Variants in ITGBL1 observed in about 807,000 individuals in gnomAD.
ITGBL1 encodes integrin beta-like protein 1.
Under a neutral mutation model 68.5 loss-of-function variants are expected in ITGBL1, and 51 were observed. The observed-to-expected ratio is 0.74, with a 90% confidence interval of 0.59 to 0.94. The LOEUF (loss-of-function observed/expected upper bound fraction) is 0.94, where lower values mean the gene tolerates loss of function less well. Among genes scored for constraint, ITGBL1 ranks in the 40% least tolerant of loss-of-function variants. ITGBL1 has a pLI of 0.00. For synonymous variants in ITGBL1, 209 were observed against 227.3 expected, an observed-to-expected ratio of 0.92 and a Z score of 0.72; for missense variants, 649 against 647.4, an observed-to-expected ratio of 1.00 and a Z score of -0.03.
chr13:101,629,243 T>C (rs931419470), intron 7 of ITGBL1, among the ~76,000 whole-genome samples: 3 of 152,146 alleles, frequency 2.0e-5, no homozygotes, highest in African/African-American at 4.8e-5. Flanking sequence ...TTTTGTTAAT[T>C]TTTTACCTAA....
At chr13:101,497,318 C>G (rs1188268789) in intron 2 of ITGBL1, among the ~76,000 whole-genome samples, 2 of 152,140 alleles carry the variant, frequency 1.3e-5, no homozygotes, top group African/African-American at 2.4e-5. Flanking sequence ...TTGAATCCCT[C>G]AATTGTAGGT....
chr13:101,551,375 C>T (rs1290859275), intron 2 of ITGBL1, among the ~76,000 whole-genome samples: 2 of 151,964 alleles, frequency 1.3e-5, no homozygotes, highest in Admixed American at 6.6e-5. Context: ...GGGGAGGTAT[C>T]GAAAATGAAG....
At chr13:101,518,339 T>C (rs2049228518) in intron 2 of ITGBL1, among the ~76,000 whole-genome samples, 1 of 152,202 alleles carries the variant, frequency 6.6e-6, no homozygotes, top group Non-Finnish European at 1.5e-5. Context: ...AGATACATAA[T>C]ACATGAAGTG....
chr13:101,625,046 A>C (rs2031723174), intron 7 of ITGBL1, among the ~76,000 whole-genome samples: 1 of 152,232 alleles, frequency 6.6e-6, no homozygotes, highest in African/African-American at 2.4e-5. Context: ...AGATAAATGC[A>C]GAGGCAAAGA....
intron 2 of ITGBL1, among the ~76,000 whole-genome samples, chr13:101,534,080 G>A (rs1285880007): frequency 6.6e-6 from 1 of 152,110 alleles, no homozygotes; most frequent in Non-Finnish European, 1.5e-5. Context: ...CTGGCCAACA[G>A]CATCATAATC....
chr13:101,510,464 T>C (rs561562783), intron 2 of ITGBL1, among the ~76,000 whole-genome samples: 1 of 152,272 alleles, frequency 6.6e-6, no homozygotes, highest in African/African-American at 2.4e-5. Flanking sequence ...AGAACAGCAG[T>C]GAACATCTGA....
chr13:101,642,398 G>T lies in ITGBL1; in HGVS notation c.1015+44099G>T, dbSNP rs1051495986. On this transcript the variant is annotated intron_variant, in intron 7 of 10. Coordinates refer to ENST00000376180, the MANE Select transcript of ITGBL1 (RefSeq NM_004791.3). Reference sequence around the variant, plus strand: ...GTCTGCTCATGTCCTTCGCCCACTTGTTGATGGGGTTGTTTGTTTTTTTCT... The same window carrying T: ...GTCTGCTCATGTCCTTCGCCCACTTTTTGATGGGGTTGTTTGTTTTTTTCT... Among the ~76,000 whole-genome samples, 1,260 of 152,182 alleles carry T rather than the reference G, an allele frequency of 8.3e-3. 7 individuals are homozygous for T. The highest frequency in any genetic ancestry group is 0.014 in the Non-Finnish European group (976 of 67,968).
chr13:101,515,328 C>T (rs1427926204), intron 2 of ITGBL1, among the ~76,000 whole-genome samples: 1 of 151,740 alleles, frequency 6.6e-6, no homozygotes. Context: ...ATTAAAACCC[C>T]GGGTATTTTT....
chr13:101,596,403 G>A (rs757443501), intron 6 of ITGBL1, among the ~76,000 whole-genome samples: 1 of 152,172 alleles, frequency 6.6e-6, no homozygotes, highest in Non-Finnish European at 1.5e-5. Flanking sequence ...TGCATTGTAT[G>A]AGGAGAGTAC....
At chr13:101,608,904 A>G (rs1328264845) in intron 7 of ITGBL1, among the ~76,000 whole-genome samples, 1 of 152,046 alleles carries the variant, frequency 6.6e-6, no homozygotes, top group Non-Finnish European at 1.5e-5. Context: ...GTGTGCATCA[A>G]ATAGGGAGAA....
intron 2 of ITGBL1, among the ~76,000 whole-genome samples, chr13:101,496,698 G>C (rs1312405722): frequency 6.6e-6 from 1 of 152,018 alleles, no homozygotes; most frequent in Non-Finnish European, 1.5e-5. Context: ...CATTATAGCG[G>C]TAATCACAAA....
intron 2 of ITGBL1, among the ~76,000 whole-genome samples, chr13:101,465,193 C>A (rs75610504): frequency 6.6e-6 from 1 of 152,020 alleles, no homozygotes; most frequent in African/African-American, 2.4e-5. Context: ...AGCTTCTTTT[C>A]TTTTTTCAAA....
intron 7 of ITGBL1, among the ~76,000 whole-genome samples, chr13:101,604,887 T>TATATATATACACACACACACAC: frequency 4.5e-5 from 1 of 22,164 alleles, no homozygotes; most frequent in Non-Finnish European, 8.2e-5. Flanking sequence ...TATATATATA[T>TATATATATACACACACACACAC]ACACACACAC....
At chr13:101,548,627 A>C (rs2049867287) in intron 2 of ITGBL1, among the ~76,000 whole-genome samples, 1 of 151,852 alleles carries the variant, frequency 6.6e-6, no homozygotes, top group Admixed American at 6.6e-5. Flanking sequence ...TTTTATACAT[A>C]GAAGGGAAAA....
intron 2 of ITGBL1, among the ~76,000 whole-genome samples, chr13:101,457,788 C>G (rs1035688728): frequency 6.6e-6 from 1 of 151,928 alleles, no homozygotes; most frequent in Non-Finnish European, 1.5e-5. Flanking sequence ...TGCACTCCAG[C>G]CTGAGTGACA....
At chr13:101,485,891 G>A (rs1397363458) in intron 2 of ITGBL1, among the ~76,000 whole-genome samples, 1 of 152,176 alleles carries the variant, frequency 6.6e-6, no homozygotes, top group African/African-American at 2.4e-5. Flanking sequence ...TACACTGCTG[G>A]TGAGAATATA....
intron 2 of ITGBL1, among the ~76,000 whole-genome samples, chr13:101,548,386 G>A (rs1402736992): frequency 6.6e-6 from 1 of 151,730 alleles, no homozygotes; most frequent in African/African-American, 2.4e-5. Context: ...TTGAGAGATC[G>A]ATCTACTTTA....
chr13:101,483,738 CT>C (rs2048660312), intron 2 of ITGBL1, among the ~76,000 whole-genome samples: 2 of 151,994 alleles, frequency 1.3e-5, no homozygotes, highest in South Asian at 4.2e-4. Flanking sequence ...AAAAATTGTC[CT>C]TATTTTACTA....
rs182395365 is a variant in ITGBL1, at chr13:101,476,913, C to A, written c.316+22813C>A. 2.3e-3 allele frequency among the ~76,000 whole-genome samples: 344 copies of A among 152,194 alleles called. 1 individual carries two copies. Among genetic ancestry groups the A allele is most frequent in the Non-Finnish European group, 4.0e-3 (272 of 67,996 alleles). ...ACAATAAGAGCTAAAGACTTTAACA[C>A]CCCACTTTCAGCATTGGACAGATCA... On this transcript the variant is annotated intron_variant, in intron 2 of 10. Transcript: ENST00000376180.
Sources: gnomAD v4.1 joint callset for allele counts (sites outside exome capture counted in the v4.1 genomes callset) on GRCh38, gnomAD v4.1.1 for gene constraint, MANE v1.5 for transcripts, NCBI Gene and HGNC (gene_info 2026-07-23, HGNC 2026-07-21) for gene names.